The following PCDHGA2 variants were observed in gnomAD, a reference collection of about 807,000 sequenced individuals.
PCDHGA2 encodes protocadherin gamma subfamily A, 2, also known as protocadherin gamma-A2.
A neutral mutation model predicts 59.2 loss-of-function variants in PCDHGA2; 40 were observed. That is an observed-to-expected ratio of 0.68 (90% CI 0.52 to 0.88). The LOEUF (loss-of-function observed/expected upper bound fraction) is 0.88, where lower values mean the gene tolerates loss of function less well. PCDHGA2 is among the 40% of genes least tolerant of loss of function. The probability of loss-of-function intolerance (pLI) is 0.00; values close to 1 mark genes in which losing one functional copy is unlikely to be tolerated. For missense variants in PCDHGA2, 1,226 were observed against 1,204.0 expected, an observed-to-expected ratio of 1.02 and a Z score of -0.27; for synonymous variants, 560 against 526.0, an observed-to-expected ratio of 1.06 and a Z score of -0.89.
At chr5:141,464,000 T>C (rs1045842127) in intron 1 of PCDHGA2, among the ~76,000 whole-genome samples, 15 of 152,158 alleles carry the variant, frequency 9.9e-5, no homozygotes, top group Non-Finnish European at 1.3e-4. Context: ...GTGCAGTGGC[T>C]CATGCTTGTA....
intron 2 of PCDHGA2, among the ~76,000 whole-genome samples, chr5:141,501,966 C>A (rs1046026111): frequency 1.3e-5 from 2 of 152,118 alleles, no homozygotes; most frequent in African/African-American, 4.8e-5. Context: ...ATCCTCCTAA[C>A]CTCTGGCATC....
At position 141,489,314 on chromosome 5, in the gene PCDHGA2, G is replaced by C. The variant is rs374235290; in HGVS notation, c.2425-5493G>C. The stretch of plus-strand genomic sequence containing the variant: ...TGCATGTTGTCCTTGTGCTGCTGGG[G>C]CTGGGTGTCTGGGCAGCTTCGTTAC... On this transcript the variant is annotated intron_variant, in intron 1 of 3. Coordinates refer to ENST00000394576, the MANE Select transcript of PCDHGA2 (RefSeq NM_018915.4). This position sits in a 1 kb window ranked among gnomAD's most constrained non-coding sequence, Gnocchi z 4.5. 2 of 1,596,790 alleles carry C rather than the reference G, an allele frequency of 1.3e-6. No homozygotes were observed. The highest frequency in any genetic ancestry group is 2.2e-5 in the East Asian group (1 of 44,724).
intron 1 of PCDHGA2, among the ~76,000 whole-genome samples, chr5:141,407,505 T>TTTTTTTTTTTTTTTTTTTTTTTGAG (rs1460306566): frequency 6.6e-6 from 1 of 152,146 alleles, no homozygotes; most frequent in Non-Finnish European, 1.5e-5. Context: ...CTGTTTTTCT[T>TTTTTTTTTTTTTTTTTTTTTTTGAG]AGGCTATGTA....
intron 1 of PCDHGA2, chr5:141,393,383 A>G: frequency 6.2e-7 from 1 of 1,614,000 alleles, no homozygotes; most frequent in Non-Finnish European, 8.5e-7. Flanking sequence ...ATGGAGCCAT[A>G]AACCCAGAGC....
chr5:141,355,668 A>C, intron 1 of PCDHGA2: 2 of 1,614,018 alleles, frequency 1.2e-6, no homozygotes, highest in Non-Finnish European at 1.7e-6. Flanking sequence ...CTCTTCCTGA[A>C]GCTTTTGATC....
Position 141,351,082 on chromosome 5 carries a change from C to T in PCDHGA2, c.2424+9687C>T, listed in dbSNP as rs774889812. On this transcript the variant is annotated intron_variant, in intron 1 of 3. Transcript: ENST00000394576. ...AGGATGAGGGCATTAATGCAGAGAT[C>T]ACCTATGCCTTCCTCAATTCCCCAA... 5 of 1,614,062 alleles carry T rather than the reference C, an allele frequency of 3.1e-6. No homozygotes were observed. In the South Asian group the frequency reaches 5.5e-5, roughly 18 times the overall value.
rs756971733 is a variant in PCDHGA2 at position 141,375,686 on chromosome 5, A to G, written c.2424+34291A>G. On this transcript the variant is annotated intron_variant, in intron 1 of 3. Coordinates refer to ENST00000394576, the MANE Select transcript of PCDHGA2 (RefSeq NM_018915.4). Reference sequence around the variant, plus strand: ...AGACCTACAGCTGTGGGTGACAGCCAGCGACAGCGGGGACCCGCCTCTTAG... The same window carrying G: ...AGACCTACAGCTGTGGGTGACAGCCGGCGACAGCGGGGACCCGCCTCTTAG... 1.9e-6 allele frequency: 3 copies of G among 1,614,122 alleles called. No individual in the cohort carries two copies. Among genetic ancestry groups the G allele is most frequent in the East Asian group, 2.2e-5 (1 of 44,894 alleles).
chr5:141,361,556 T>A, intron 1 of PCDHGA2: 1 of 1,614,058 alleles, frequency 6.2e-7, no homozygotes, highest in Non-Finnish European at 8.5e-7. Flanking sequence ...ATCGCTCAAA[T>A]CAGTGCCTCT....
intron 2 of PCDHGA2, among the ~76,000 whole-genome samples, chr5:141,496,631 G>A (rs1434126210): frequency 6.6e-6 from 1 of 152,164 alleles, no homozygotes; most frequent in Admixed American, 6.5e-5. Context: ...CAAAAGGCTT[G>A]GGCTGCCCTT....
intron 1 of PCDHGA2, chr5:141,364,922 C>G: frequency 1.2e-6 from 2 of 1,613,948 alleles, no homozygotes; most frequent in Non-Finnish European, 8.5e-7. Context: ...GGTGTTGGAA[C>G]AGCCCCTAGA....
intron 1 of PCDHGA2, among the ~76,000 whole-genome samples, chr5:141,407,044 A>G (rs972892343): frequency 6.6e-6 from 1 of 152,246 alleles, no homozygotes; most frequent in African/African-American, 2.4e-5. Flanking sequence ...TGTGATCCAT[A>G]GATACACTGA....
rs371173445 is a variant in PCDHGA2 at position 141,383,743 on chromosome 5, C to A, written c.2424+42348C>A. ...CAATGGGGAAGTGACATATTCTTTT[C>A]GGAAAATAACTCCTAAACTTCCAAA... On this transcript the variant is annotated intron_variant, in intron 1 of 3. Transcript: ENST00000394576. 2.0e-5 allele frequency: 32 copies of A among 1,613,922 alleles called. No individual in the cohort carries two copies. The South Asian group carries it at 3.3e-4, about 17-fold the overall frequency.
chr5:141,400,080 C>T (rs375308173), intron 1 of PCDHGA2: 219 of 1,614,010 alleles, frequency 1.4e-4, no homozygotes, highest in East Asian at 2.9e-4. Flanking sequence ...CGCCACTCTC[C>T]GCCACCGCCA....
At chr5:141,428,223 A>G in intron 1 of PCDHGA2, 1 of 1,169,680 alleles carries the variant, frequency 8.5e-7, no homozygotes. Context: ...TAGTCTTCGC[A>G]GACAGCCTGC....
At chr5:141,346,029 G>A (rs1487000938) in intron 1 of PCDHGA2, 6 of 1,613,402 alleles carry the variant, frequency 3.7e-6, no homozygotes, top group African/African-American at 1.3e-5. Context: ...GGCCGTGGCC[G>A]ACAGGATCCC....
chr5:141,500,445 G>A (rs1319009998), intron 2 of PCDHGA2, among the ~76,000 whole-genome samples: 1 of 151,816 alleles, frequency 6.6e-6, no homozygotes, highest in Non-Finnish European at 1.5e-5. Flanking sequence ...TCCTGACCTC[G>A]TGATCCGCCC....
rs745612756 is a variant in PCDHGA2 at position 141,487,150 on chromosome 5, T to C, written c.2425-7657T>C. The C allele has an allele frequency of 1.1e-5, 17 of 1,613,960 alleles. No individual in the cohort carries two copies. In the South Asian group the frequency reaches 1.6e-4, roughly 16 times the overall value. On this transcript the variant is annotated intron_variant, in intron 1 of 3. Transcript: ENST00000394576. This position sits in a 1 kb window ranked among gnomAD's most constrained non-coding sequence, Gnocchi z 5.0. The stretch of plus-strand genomic sequence containing the variant: ...GTAGTCCACCACTCTCTACCTCTGT[T>C]ACTCTCTTAGTGTCCTTAGAGGAAG...
At chr5:141,395,347 C>T in intron 1 of PCDHGA2, 1 of 1,392,780 alleles carries the variant, frequency 7.2e-7, no homozygotes, top group Non-Finnish European at 9.5e-7. Flanking sequence ...TAAGGTGTAT[C>T]ACAGAGTTTT....
intron 1 of PCDHGA2, among the ~76,000 whole-genome samples, chr5:141,381,671 T>TGCTGCAGCCAAGACAA (rs1777346396): frequency 6.6e-6 from 1 of 152,206 alleles, no homozygotes; most frequent in Non-Finnish European, 1.5e-5. Flanking sequence ...TATAGCTGAT[T>TGCTGCAGCCAAGACAA]GCTGCAGCCA....
Sources: allele counts gnomAD v4.1 joint callset (sites outside exome capture counted in the v4.1 genomes callset), GRCh38; gene constraint gnomAD v4.1.1; non-coding constraint Gnocchi (gnomAD v3.1); transcripts MANE v1.5; gene names NCBI Gene and HGNC (gene_info 2026-07-23, HGNC 2026-07-21).